The following SPIDR variants were observed in gnomAD, a reference collection of about 807,000 sequenced individuals.
The protein encoded by SPIDR is scaffold protein involved in DNA repair, also known as DNA repair-scaffolding protein.
In SPIDR, 93 loss-of-function variants were observed where a neutral mutation model predicts 104.6. The ratio of observed to expected loss-of-function variants is 0.89; its 90% confidence interval spans 0.75 to 1.06. SPIDR has a LOEUF of 1.06. Ranked by LOEUF, SPIDR falls within the 50% of genes least tolerant of loss-of-function variation. SPIDR has a pLI of 0.00. For missense variants in SPIDR, 1,154 were observed against 1,111.2 expected (o/e 1.04, Z -0.55); for synonymous variants, 431 against 416.9 (o/e 1.03, Z -0.41).
At chr8:47,438,974 TAAAG>T (rs2068871233) in intron 7 of SPIDR, among the ~76,000 whole-genome samples, 1 of 152,244 alleles carries the variant, frequency 6.6e-6, no homozygotes. Flanking sequence ...GCTGAAGTGG[TAAAG>T]AAACTCATAT....
intron 5 of SPIDR, among the ~76,000 whole-genome samples, chr8:47,358,552 A>G (rs1189917121): frequency 6.6e-6 from 1 of 152,156 alleles, no homozygotes; most frequent in African/African-American, 2.4e-5. Flanking sequence ...AGATTTTAAG[A>G]TTAAGGTTTG....
At chr8:47,357,797 AT>A in intron 5 of SPIDR, 2 of 943,124 alleles carry the variant, frequency 2.1e-6, no homozygotes, top group African/African-American at 3.5e-5. Flanking sequence ...AGGGAAGGAA[AT>A]GGAGAGGATA....
chr8:47,593,210 C>T (rs760905113), intron 8 of SPIDR, among the ~76,000 whole-genome samples: 24 of 151,832 alleles, frequency 1.6e-4, no homozygotes, highest in Admixed American at 3.9e-4. Flanking sequence ...TTTTTTAAGT[C>T]TGTTTTCCCT....
At chr8:47,653,739 G>A (rs2072128463) in intron 10 of SPIDR, among the ~76,000 whole-genome samples, 1 of 152,040 alleles carries the variant, frequency 6.6e-6, no homozygotes, top group Non-Finnish European at 1.5e-5. Context: ...TGAGCTAAGG[G>A]CTCTGACATG....
At chr8:47,632,428 T>C (rs967510196) in intron 10 of SPIDR, among the ~76,000 whole-genome samples, 9 of 152,212 alleles carry the variant, frequency 5.9e-5, no homozygotes, top group African/African-American at 1.9e-4. Flanking sequence ...GGTTCATTAG[T>C]ATTTTTCATG....
intron 8 of SPIDR, among the ~76,000 whole-genome samples, chr8:47,570,289 A>G (rs1353340619): frequency 6.6e-6 from 1 of 152,238 alleles, no homozygotes; most frequent in Admixed American, 6.5e-5. Flanking sequence ...ATTTTCAACA[A>G]AGGTACCAAG....
intron 5 of SPIDR, among the ~76,000 whole-genome samples, chr8:47,359,637 A>G (rs1430992680): frequency 6.6e-6 from 1 of 152,196 alleles, no homozygotes; most frequent in Admixed American, 6.5e-5. Context: ...GATTTTGATC[A>G]CTCAGCATTG....
intron 11 of SPIDR, among the ~76,000 whole-genome samples, chr8:47,694,353 G>A (rs2154480446): frequency 6.6e-6 from 1 of 152,338 alleles, no homozygotes; most frequent in Non-Finnish European, 1.5e-5. Flanking sequence ...TGCTGTGTGG[G>A]GGAAGATGTG....
intron 11 of SPIDR, among the ~76,000 whole-genome samples, chr8:47,687,052 C>G (rs1038333603): frequency 6.6e-6 from 1 of 151,796 alleles, no homozygotes; most frequent in East Asian, 1.9e-4. Flanking sequence ...AATATCATTA[C>G]TTTTAGTAGT....
intron 8 of SPIDR, among the ~76,000 whole-genome samples, chr8:47,582,608 G>A (rs911864088): frequency 1.3e-5 from 2 of 152,062 alleles, no homozygotes. Context: ...AGTTCTTAAT[G>A]CAAAGCGTTT....
At chr8:47,524,062 G>C (rs1483494241) in intron 8 of SPIDR, among the ~76,000 whole-genome samples, 1 of 152,126 alleles carries the variant, frequency 6.6e-6, no homozygotes, top group Non-Finnish European at 1.5e-5. Context: ...AATTAGAATT[G>C]ACATCTGAGT....
At chr8:47,423,703 G>A (rs559984095) in intron 7 of SPIDR, among the ~76,000 whole-genome samples, 1 of 152,296 alleles carries the variant, frequency 6.6e-6, no homozygotes, top group Non-Finnish European at 1.5e-5. Flanking sequence ...GCATGGGGTG[G>A]GCAGGGGAGC....
intron 7 of SPIDR, among the ~76,000 whole-genome samples, chr8:47,419,479 T>G (rs1266501329): frequency 6.6e-6 from 1 of 152,202 alleles, no homozygotes; most frequent in Non-Finnish European, 1.5e-5. Flanking sequence ...CTTTATCAAT[T>G]TTTATTGCGT....
chr8:47,642,119 T>G (rs374502169), intron 10 of SPIDR, among the ~76,000 whole-genome samples: 1 of 152,034 alleles, frequency 6.6e-6, no homozygotes, highest in East Asian at 1.9e-4. Flanking sequence ...GCAGTGACTT[T>G]ATGGGTCAAG....
intron 7 of SPIDR, among the ~76,000 whole-genome samples, chr8:47,436,678 G>T (rs2068384692): frequency 6.6e-6 from 1 of 152,170 alleles, no homozygotes; most frequent in Non-Finnish European, 1.5e-5. Flanking sequence ...GTAAGCCAAG[G>T]TCATACCATT....
At chr8:47,416,785 C>T (rs1554675702) in intron 7 of SPIDR, among the ~76,000 whole-genome samples, 1 of 151,914 alleles carries the variant, frequency 6.6e-6, no homozygotes, top group Non-Finnish European at 1.5e-5. Flanking sequence ...CCCCACCCCA[C>T]CCACAACAGG....
At position 47,636,648 on chromosome 8, in the gene SPIDR, A is replaced by G. The variant is rs562756865; in HGVS notation, c.1545-37153A>G. On this transcript the variant is annotated intron_variant, in intron 10 of 19. Coordinates refer to ENST00000297423, the MANE Select transcript of SPIDR (RefSeq NM_001080394.4). ...CCAGCCTGGGCAACATAGTGAGCCC[A>G]CATCTCTAAGAAAAAAATAATTAGC... 1.3e-4 allele frequency among the ~76,000 whole-genome samples: 19 copies of G among 151,956 alleles called. No individual in the cohort carries two copies. In the South Asian group the frequency reaches 3.5e-3, roughly 28 times the overall value.
chr8:47,646,923 A>G (rs556191220), intron 10 of SPIDR, among the ~76,000 whole-genome samples: 2 of 152,338 alleles, frequency 1.3e-5, no homozygotes, highest in African/African-American at 2.4e-5. Flanking sequence ...ATATACAGCA[A>G]TAATGTTATA....
At chr8:47,651,208 T>C (rs1392536851) in intron 10 of SPIDR, among the ~76,000 whole-genome samples, 1 of 152,146 alleles carries the variant, frequency 6.6e-6, no homozygotes, top group Non-Finnish European at 1.5e-5. Flanking sequence ...AAAGGACTAA[T>C]ATCTAGAATC....
Sources: gnomAD v4.1 joint callset for allele counts (sites outside exome capture counted in the v4.1 genomes callset) on GRCh38, gnomAD v4.1.1 for gene constraint, MANE v1.5 for transcripts, NCBI Gene and HGNC (gene_info 2026-07-23, HGNC 2026-07-21) for gene names.